BICD1: variants seen among roughly 807,000 people sequenced by gnomAD.
BICD1 encodes protein bicaudal D homolog 1.
BICD1 carries 35 observed loss-of-function variants against 92.5 expected under a neutral mutation model. That is an observed-to-expected ratio of 0.38 (90% CI 0.29 to 0.50). The LOEUF (loss-of-function observed/expected upper bound fraction) is 0.50. Among genes scored for constraint, BICD1 ranks in the 20% least tolerant of loss-of-function variants. BICD1 has a pLI of 0.93. For missense variants in BICD1, 950 were observed against 1,189.8 expected (o/e 0.80, Z 2.97); for synonymous variants, 429 against 465.1 (o/e 0.92, Z 1.00).
intron 8 of BICD1, among the ~76,000 whole-genome samples, chr12:32,348,723 A>AAAAAAT (rs1938731695): frequency 2.5e-5 from 3 of 117,956 alleles, no homozygotes; most frequent in Middle Eastern, 4.1e-3. Flanking sequence ...CTCACACAAA[A>AAAAAAT]ATATATATAT....
intron 5 of BICD1, among the ~76,000 whole-genome samples, chr12:32,330,576 A>AAT (rs375801223): frequency 0.19 from 28,534 of 149,478 alleles, 3,569 homozygotes; most frequent in East Asian, 0.6. Flanking sequence ...AGTAAATTAA[A>AAT]ATATATATAT....
intron 6 of BICD1, among the ~76,000 whole-genome samples, chr12:32,334,966 C>A (rs1938040516): frequency 6.6e-6 from 1 of 152,014 alleles, no homozygotes; most frequent in Non-Finnish European, 1.5e-5. Flanking sequence ...GAGTCTCCCT[C>A]CAAATAAAAA....
intron 1 of BICD1, among the ~76,000 whole-genome samples, chr12:32,123,563 T>A (rs2683474): frequency 0.69 from 105,708 of 152,100 alleles, 37,301 homozygotes; most frequent in Middle Eastern, 0.81. Flanking sequence ...TGGGAAAAAA[T>A]TAAAGATGAA....
intron 1 of BICD1, among the ~76,000 whole-genome samples, chr12:32,183,394 A>G (rs1455671357): frequency 2.0e-5 from 3 of 150,846 alleles, no homozygotes; most frequent in Non-Finnish European, 4.4e-5. Context: ...CCTCCCTAGT[A>G]GCTGAGATTA....
At chr12:32,291,690 G>A (rs956218732) in intron 2 of BICD1, among the ~76,000 whole-genome samples, 6 of 150,634 alleles carry the variant, frequency 4.0e-5, no homozygotes, top group Admixed American at 4.0e-4. Context: ...ATACAAAAAT[G>A]AGCCAGTTGT....
chr12:32,232,926 T>G (rs533677087), intron 2 of BICD1, among the ~76,000 whole-genome samples: 3 of 152,240 alleles, frequency 2.0e-5, no homozygotes, highest in South Asian at 2.1e-4. Context: ...GACAGTGACA[T>G]CAACCTCTTG....
chr12:32,193,452 G>T (rs1208135617), intron 1 of BICD1, among the ~76,000 whole-genome samples: 2 of 152,324 alleles, frequency 1.3e-5, no homozygotes, highest in Non-Finnish European at 2.9e-5. Context: ...AAAAATGGAT[G>T]TGACTTGTTT....
chr12:32,158,109 T>G (rs1421074469), intron 1 of BICD1, among the ~76,000 whole-genome samples: 1 of 149,458 alleles, frequency 6.7e-6, no homozygotes, highest in Non-Finnish European at 1.5e-5. Context: ...TTTTTTTCTT[T>G]TTTTTTTTTT....
chr12:32,174,977 T>C (rs1944050938), intron 1 of BICD1, among the ~76,000 whole-genome samples: 1 of 152,244 alleles, frequency 6.6e-6, no homozygotes, highest in Non-Finnish European at 1.5e-5. Context: ...CTTTCCTAAA[T>C]GTTTTATAGT....
chr12:32,327,351 T>C (rs956300918), intron 4 of BICD1, 110 bp from the exon 5 acceptor site: 2 of 1,289,636 alleles, frequency 1.6e-6, no homozygotes, highest in Admixed American at 2.5e-5. Flanking sequence ...AGTGGGAACA[T>C]TGGCTCTGCT....
intron 8 of BICD1, among the ~76,000 whole-genome samples, chr12:32,357,012 CTTTT>C (rs35643247): frequency 3.1e-5 from 4 of 129,564 alleles, no homozygotes; most frequent in African/African-American, 5.8e-5. Flanking sequence ...GATTCTCCTG[CTTTT>C]TTTTTTTTTT....
At chr12:32,174,714 T>A (rs1470304908) in intron 1 of BICD1, among the ~76,000 whole-genome samples, 1 of 152,224 alleles carries the variant, frequency 6.6e-6, no homozygotes, top group Admixed American at 6.5e-5. Flanking sequence ...TTGTCTTCAG[T>A]GGAAATTTTA....
chr12:32,225,157 T>C (rs776648301), intron 2 of BICD1, among the ~76,000 whole-genome samples: 3 of 152,228 alleles, frequency 2.0e-5, no homozygotes, highest in Non-Finnish European at 2.9e-5. Context: ...TCTCTATTAC[T>C]ATAGTTTTGT....
intron 1 of BICD1, among the ~76,000 whole-genome samples, chr12:32,193,859 G>T (rs1228765805): frequency 6.6e-6 from 1 of 152,094 alleles, no homozygotes; most frequent in Admixed American, 6.6e-5. Flanking sequence ...ATTTTATGAG[G>T]CCAGCAACAC....
intron 1 of BICD1, among the ~76,000 whole-genome samples, chr12:32,116,976 C>G (rs1283933843): frequency 7.2e-6 from 1 of 138,518 alleles, no homozygotes; most frequent in African/African-American, 2.5e-5. Flanking sequence ...TCTGATCTCA[C>G]CTATTATGTT....
rs149275520 is a variant in BICD1, at chr12:32,229,053, G to A, written c.426+12594G>A. Among the ~76,000 whole-genome samples the A allele has an allele frequency of 8.5e-3, 1,293 of 151,972 alleles. 13 individuals carry two copies. The highest frequency in any genetic ancestry group is 0.012 in the Admixed American group (189 of 15,236). ...TTACTTGAGGCCAGGAGTTTGAGAC[G>A]AGCCTGGCTAACATGACAAAACCCC... On this transcript the variant is annotated intron_variant, in intron 2 of 9. Coordinates refer to ENST00000652176, the MANE Select transcript of BICD1 (RefSeq NM_001714.4).
rs138241223 is a variant in BICD1 at position 32,377,578 on chromosome 12, G to T, written c.2879G>T (p.Ser960Ile). 82 of 1,614,068 alleles carry T rather than the reference G, an allele frequency of 5.1e-5. No individual in the cohort carries two copies. In the African/African-American group the frequency reaches 1.0e-3, roughly 20 times the overall value. The change falls in exon 10 of 10, where the codon AGC (serine) becomes ATC (isoleucine). Residue 960 changes from serine to isoleucine, a missense_variant. Transcript: ENST00000652176. The stretch of plus-strand genomic sequence containing the variant: ...CTCCCTGAGGAGCAGCCACATTCCA[G>T]CTCCCAGTGCGCCCCTCTCCACTGT... ...TALPEEQPHS[S>I]SQCAPLHCLS...
rs999037236 is a variant in BICD1 at position 32,292,659 on chromosome 12, G to T, written c.427-1335G>T. ...CTATATCAAGGCTCTGCAAATTATGGTGTGAAGGCCAAATGCATCATGACT... is the reference window on the plus strand; with the variant it reads ...CTATATCAAGGCTCTGCAAATTATGTTGTGAAGGCCAAATGCATCATGACT... On this transcript the variant is annotated intron_variant, in intron 2 of 9. Transcript: ENST00000652176. Among the ~76,000 whole-genome samples, 33 of 152,158 alleles carry T rather than the reference G, an allele frequency of 2.2e-4. 1 individual carries two copies. The highest frequency in any genetic ancestry group is 4.7e-4 in the Non-Finnish European group (32 of 68,028).
intron 8 of BICD1, among the ~76,000 whole-genome samples, chr12:32,342,565 A>C (rs1274957252): frequency 6.6e-6 from 1 of 152,238 alleles, no homozygotes; most frequent in East Asian, 1.9e-4. Flanking sequence ...ATATATTTTT[A>C]GTACATCTTT....
Sources: gnomAD v4.1 joint callset for allele counts (sites outside exome capture counted in the v4.1 genomes callset) on GRCh38, gnomAD v4.1.1 for gene constraint, MANE v1.5 for transcripts, NCBI Gene and HGNC (gene_info 2026-07-23, HGNC 2026-07-21) for gene names.